ECSIT: variants seen among roughly 807,000 people sequenced by gnomAD.
ECSIT encodes the protein ECSIT signaling integrator, also known as evolutionarily conserved signaling intermediate in Toll pathway, mitochondrial.
ECSIT carries 29 observed loss-of-function variants against 36.8 expected under a neutral mutation model. The ratio of observed to expected loss-of-function variants is 0.79; its 90% CI spans 0.59 to 1.08. The LOEUF is 1.08. ECSIT is among the 50% of genes least tolerant of loss of function. ECSIT has a pLI of 0.00. For missense variants in ECSIT, 542 were observed against 581.0 expected (o/e 0.93, Z 0.69); for synonymous variants, 231 against 234.8 (o/e 0.98, Z 0.15).
intron 1 of ECSIT, chr19:11,525,840 G>A (rs1357453117): frequency 6.6e-6 from 1 of 151,634 alleles, no homozygotes; most frequent in African/African-American, 2.4e-5. Flanking sequence ...GCTTGAACCT[G>A]GGAGGCAGAG....
intron 1 of ECSIT, among the ~76,000 whole-genome samples, chr19:11,520,706 G>A (rs571995519): frequency 1.5e-4 from 22 of 148,328 alleles, no homozygotes; most frequent in Non-Finnish European, 2.8e-4. Context: ...TAGAGATGGG[G>A]TTTCGCCATG....
Position 11,508,024 on chromosome 19 carries a change from C to G in ECSIT, c.763G>C (p.Gly255Arg), listed in dbSNP as rs920402064. ...YQVPLPKDST[G>R]AADPPQPHIV... ...TGGGGCTGGGGGGGATCTGCTGCAC[C>G]TGTTGAGTCTTTGGGCAAAGGAACC... Residue 255 changes from glycine to arginine, a missense_variant, in exon 5 of 8, where the codon GGT (glycine) becomes CGT (arginine). Gly to Arg is a moderately radical substitution (Grantham distance 125). Coordinates refer to ENST00000270517, the MANE Select transcript of ECSIT (RefSeq NM_016581.5). The G allele has an allele frequency of 1.2e-6, 2 of 1,614,038 alleles. No individual in the cohort carries two copies. The highest frequency in any genetic ancestry group is 1.7e-6 in the Non-Finnish European group (2 of 1,180,054).
chr19:11,519,254 GC>G lies in ECSIT; in HGVS notation c.-23-62del, dbSNP rs1972055725. The G allele has an allele frequency of 8.6e-7, 1 of 1,162,228 alleles. No individual in the cohort carries two copies. Among genetic ancestry groups the G allele is most frequent in the Non-Finnish European group, 1.2e-6 (1 of 804,410 alleles). 72.0% of individuals were successfully genotyped at this position (1,162,228 alleles called of 1,614,324 possible). On this transcript the variant is annotated intron_variant, in intron 1 of 7. Coordinates refer to ENST00000270517, the MANE Select transcript of ECSIT (RefSeq NM_016581.5). This position sits in a 1 kb window ranked among gnomAD's most constrained non-coding sequence, Gnocchi z 4.4. ...CTTACAGATGCTAACAGACGCAAGGGCCCCGCAGGGTCGAGGGCACACTCCA... is the reference window on the plus strand; with the variant it reads ...CTTACAGATGCTAACAGACGCAAGGGCCCGCAGGGTCGAGGGCACACTCCA...
Position 11,506,336 on chromosome 19 carries a change from G to C in ECSIT, c.1144C>G (p.Pro382Ala), listed in dbSNP as rs770359160. The C allele has an allele frequency of 9.9e-6, 16 of 1,613,566 alleles. No individual in the cohort carries two copies. In the African/African-American group the frequency reaches 2.1e-4, roughly 21 times the overall value. The change falls in exon 8 of 8, where the codon CCA (proline) becomes GCA (alanine). Residue 382 changes from proline (P) to alanine (A), a missense_variant. By Grantham distance (27) the Pro-to-Ala change is conservative. Coordinates refer to ENST00000270517, the MANE Select transcript of ECSIT (RefSeq NM_016581.5). ...ACCACGGGGATCTGGGCCAGGGTTG[G>C]GTTGGTCTCCTGCAGGCCCTGGATC... is the stretch of plus-strand genomic sequence containing the variant. The part of the protein sequence containing the change: ...KWIQGLQETN[P>A]TLAQIPVVFR...
chr19:11,513,304 A>T, intron 3 of ECSIT, 25 bp from the exon 4 acceptor site: 3 of 1,595,716 alleles, frequency 1.9e-6, no homozygotes, highest in Non-Finnish European at 2.6e-6. Context: ...TGCAGGCAGA[A>T]CCTCAGAGAT....
At chr19:11,520,710 C>T (rs778163451) in intron 1 of ECSIT, among the ~76,000 whole-genome samples, 48 of 150,818 alleles carry the variant, frequency 3.2e-4, no homozygotes, top group Non-Finnish European at 5.0e-4. Context: ...GATGGGGTTT[C>T]GCCATGTTGC....
intron 1 of ECSIT, chr19:11,522,549 GTA>G: frequency 1.5e-6 from 1 of 679,114 alleles, no homozygotes; most frequent in Non-Finnish European, 2.5e-6. Context: ...GAACGCCCCG[GTA>G]AAAAAAAAAA....
intron 1 of ECSIT, among the ~76,000 whole-genome samples, chr19:11,527,215 G>A (rs573423196): frequency 6.6e-6 from 1 of 152,178 alleles, no homozygotes; most frequent in Admixed American, 6.5e-5. Flanking sequence ...CCAGCTATTC[G>A]GGAGCCTGAG....
At chr19:11,521,689 T>A (rs1378530049) in intron 1 of ECSIT, among the ~76,000 whole-genome samples, 2 of 151,942 alleles carry the variant, frequency 1.3e-5, no homozygotes, top group Non-Finnish European at 2.9e-5. Flanking sequence ...GGCAGGAGAA[T>A]CACTTGAACC....
intron 3 of ECSIT, 53 bp downstream of exon 3, chr19:11,513,751 G>T: frequency 6.2e-7 from 1 of 1,601,626 alleles, no homozygotes. Context: ...GAGAGGTGCT[G>T]CCAGCTATCA....
At chr19:11,509,330 C>T (rs1331658837) in intron 4 of ECSIT, among the ~76,000 whole-genome samples, 1 of 151,694 alleles carries the variant, frequency 6.6e-6, no homozygotes, top group African/African-American at 2.4e-5. Flanking sequence ...GCCTCAGCCT[C>T]CCAAAGCATT....
intron 1 of ECSIT, among the ~76,000 whole-genome samples, chr19:11,521,492 C>T (rs1026970182): frequency 4.7e-5 from 7 of 149,870 alleles, no homozygotes; most frequent in African/African-American, 7.4e-5. Flanking sequence ...TATGGCTGTA[C>T]GTGGTGGCTA....
Position 11,513,107 on chromosome 19 carries a change from A to G in ECSIT, c.687T>C (p.Phe229=), listed in dbSNP as rs148404267. 1.9e-6 allele frequency: 3 copies of G among 1,614,232 alleles called. No homozygotes were observed. Among genetic ancestry groups the G allele is most frequent in the Admixed American group, 1.7e-5 (1 of 60,024 alleles). ...LPQDPVELAM[F]GLRHMEPDLS... ...GGTCAGGCTCCATGTGCCGCAGGCC[A>G]AACATGGCCAGCTCCACAGGGTCCT... Residue 229 remains phenylalanine, a synonymous_variant, in exon 4 of 8, where the codon TTT becomes TTC. Transcript: ENST00000270517.
chr19:11,510,916 T>G (rs986575301), intron 4 of ECSIT, among the ~76,000 whole-genome samples: 2 of 151,520 alleles, frequency 1.3e-5, no homozygotes, highest in African/African-American at 4.8e-5. Flanking sequence ...TCCAACCCGA[T>G]TCCTTCTTCT....
chr19:11,509,465 T>TA (rs1337927022), intron 4 of ECSIT, among the ~76,000 whole-genome samples: 2 of 150,822 alleles, frequency 1.3e-5, no homozygotes, highest in East Asian at 2.0e-4. Flanking sequence ...CCTTTCAAGT[T>TA]AAAAAAAATT....
At chr19:11,518,145 G>A (rs565202470) in intron 2 of ECSIT, among the ~76,000 whole-genome samples, 3 of 151,920 alleles carry the variant, frequency 2.0e-5, no homozygotes, top group African/African-American at 4.8e-5. Context: ...AAAAATTAGC[G>A]GCCGGGTGCG....
chr19:11,527,130 T>C (rs1972231366), intron 1 of ECSIT, among the ~76,000 whole-genome samples: 1 of 151,984 alleles, frequency 6.6e-6, no homozygotes, highest in Admixed American at 6.6e-5. Flanking sequence ...AAGACCAGCC[T>C]GGCCGAGATG....
Position 11,514,219 on chromosome 19 carries a change from G to A in ECSIT, c.99C>T (p.Val33=), listed in dbSNP as rs1360057323. The change falls in exon 3 of 8, where the codon GTC becomes GTT. Residue 33 remains valine, a splice_region_variant and synonymous_variant. Coordinates refer to ENST00000270517, the MANE Select transcript of ECSIT (RefSeq NM_016581.5). ...AALTGTSISQ[V]PRRLPRGLHC... ...GGAGGCCCCGAGGGAGCCGGCGAGG[G>A]ACCTGGGGAGGGAGGAGAACTGCTG... 6.2e-7 allele frequency: 1 copy of A among 1,600,080 alleles called. No individual in the cohort carries two copies. The highest frequency in any genetic ancestry group is 1.1e-5 in the South Asian group (1 of 89,298).
At chr19:11,526,845 G>A (rs374115746) in intron 1 of ECSIT, among the ~76,000 whole-genome samples, 99 of 151,158 alleles carry the variant, frequency 6.5e-4, no homozygotes, top group Middle Eastern at 6.8e-3. Context: ...TCAGCCTCCC[G>A]AGTAGCTGGG....
Sources: gnomAD v4.1 joint callset for allele counts (sites outside exome capture counted in the v4.1 genomes callset) on GRCh38, gnomAD v4.1.1 for gene constraint, Gnocchi (gnomAD v3.1) non-coding constraint, MANE v1.5 for transcripts, NCBI Gene and HGNC (gene_info 2026-07-23, HGNC 2026-07-21) for gene names.